Variants in NEMF observed in about 807,000 individuals in gnomAD.
NEMF encodes the protein ribosome quality control complex subunit NEMF.
In NEMF, 89 loss-of-function variants were observed where a neutral mutation model predicts 162.2. That is an observed-to-expected ratio of 0.55 (90% CI 0.46 to 0.65). The LOEUF (loss-of-function observed/expected upper bound fraction) is 0.65. NEMF is among the 30% of genes least tolerant of loss of function. The pLI is 0.00. For missense variants in NEMF, 1,133 were observed against 1,261.9 expected, an observed-to-expected ratio of 0.90 and a Z score of 1.55; for synonymous variants, 421 against 404.5, an observed-to-expected ratio of 1.04 and a Z score of -0.49.
chr14:49,847,361 G>A (rs549543368), intron 3 of NEMF, among the ~76,000 whole-genome samples: 10 of 151,566 alleles, frequency 6.6e-5, no homozygotes, highest in African/African-American at 2.2e-4. Context: ...CCACTACCAC[G>A]CCTGGCTAAT....
chr14:49,829,175 T>G lies in NEMF; in HGVS notation c.1111A>C (p.Asn371His). The change falls in exon 13 of 33, where the codon AAC (asparagine) becomes CAC (histidine). Residue 371 changes from asparagine (N) to histidine (H), a missense_variant. By Grantham distance (68) the Asn-to-His change is moderately conservative. This residue lies in a region of NEMF where 582 missense variants were observed against 631.5 expected (regional missense o/e 0.92). Coordinates refer to ENST00000298310, the MANE Select transcript of NEMF (RefSeq NM_004713.6). ...AIQVVRSALA[N>H]QIDWTEIGLI... ...CCAATTTCTGTCCAATCTATCTGGT[T>G]AGCTAAAGCACTTCGAACTACCTGA... 6.2e-7 allele frequency: 1 copy of G among 1,614,192 alleles called. No homozygotes were observed. Among genetic ancestry groups the G allele is most frequent in the Non-Finnish European group, 8.5e-7 (1 of 1,180,010 alleles).
chr14:49,840,602 C>T, intron 5 of NEMF, 116 bp downstream of exon 5: 1 of 806,232 alleles, frequency 1.2e-6, no homozygotes, highest in South Asian at 1.9e-5. Flanking sequence ...TCTCACAGTT[C>T]TTTCACGTTC....
intron 16 of NEMF, among the ~76,000 whole-genome samples, chr14:49,821,604 G>A (rs1330517317): frequency 1.2e-5 from 1 of 84,840 alleles, no homozygotes; most frequent in Admixed American, 1.4e-4. Context: ...TCAGCCCCCC[G>A]CCCGGCCAGC....
chr14:49,831,913 G>A (rs1159515932), intron 10 of NEMF, 138 bp downstream of exon 10: 4 of 603,020 alleles, frequency 6.6e-6, no homozygotes, highest in Non-Finnish European at 1.2e-5. Flanking sequence ...CTGTATCTGT[G>A]ACGACACTGA....
chr14:49,847,406 G>A (rs1282735995), intron 3 of NEMF, among the ~76,000 whole-genome samples: 3 of 150,988 alleles, frequency 2.0e-5, no homozygotes, highest in Non-Finnish European at 4.4e-5. Context: ...GTTTCTCCAC[G>A]TTGCCCAGGC....
At chr14:49,836,430 C>T (rs550307370) in intron 6 of NEMF, among the ~76,000 whole-genome samples, 1 of 151,934 alleles carries the variant, frequency 6.6e-6, no homozygotes, top group African/African-American at 2.4e-5. Context: ...GGCGGGCAGA[C>T]TGCTTGAGTT....
chr14:49,784,769 T>C, intron 32 of NEMF, 56 bp from the exon 33 acceptor site: 2 of 1,514,020 alleles, frequency 1.3e-6, no homozygotes, highest in Non-Finnish European at 1.8e-6. Context: ...ATCATGTTTC[T>C]TTTATGACAA....
rs947257594 is a variant in NEMF at position 49,793,008 on chromosome 14, G to A, written c.2619+2783C>T. On this transcript the variant is annotated intron_variant, in intron 26 of 32. Coordinates refer to ENST00000298310, the MANE Select transcript of NEMF (RefSeq NM_004713.6). ...AAAAACAAACAAAAAGAATGCAATA[G>A]ACACAGAAAAACCATTCAGTAACAT... Among the ~76,000 whole-genome samples, 9 of 152,086 alleles carry A rather than the reference G, an allele frequency of 5.9e-5. No individual in the cohort carries two copies. The East Asian group carries it at 1.5e-3, about 26-fold the overall frequency.
intron 3 of NEMF, among the ~76,000 whole-genome samples, chr14:49,848,638 C>T (rs1893627707): frequency 6.6e-6 from 1 of 152,022 alleles, no homozygotes; most frequent in Non-Finnish European, 1.5e-5. Flanking sequence ...AGTTCAAGAC[C>T]AGCCTGGCCA....
chr14:49,835,296 G>C (rs1481580721), intron 6 of NEMF, among the ~76,000 whole-genome samples: 2 of 151,564 alleles, frequency 1.3e-5, no homozygotes, highest in Non-Finnish European at 2.9e-5. Flanking sequence ...GTCAGTGCAA[G>C]TTATAGGAAT....
intron 16 of NEMF, among the ~76,000 whole-genome samples, chr14:49,817,830 GA>G (rs756622268): frequency 2.0e-5 from 3 of 152,118 alleles, no homozygotes; most frequent in Non-Finnish European, 2.9e-5. Context: ...CTTTCCCAAA[GA>G]AAACTCCAGG....
chr14:49,842,836 G>C (rs1193726064), intron 4 of NEMF, among the ~76,000 whole-genome samples: 1 of 152,002 alleles, frequency 6.6e-6, no homozygotes, highest in East Asian at 1.9e-4. Flanking sequence ...GTGAATCCCT[G>C]TTTTACTAAG....
chr14:49,833,501 T>C lies in NEMF; in HGVS notation c.662-5A>G, dbSNP rs372232003. The C allele has an allele frequency of 1.0e-5, 16 of 1,554,538 alleles. No individual in the cohort carries two copies. Among genetic ancestry groups the C allele is most frequent in the Admixed American group, 9.0e-5 (5 of 55,264 alleles). ...AAACAAGTACTTTTTCAATATCTAA[T>C]GGTGGGGGAAAAAAAGGAAAAAAGG... On this transcript the variant is annotated splice_region_variant and splice_polypyrimidine_tract_variant and intron_variant, in intron 7 of 32. Transcript: ENST00000298310.
intron 18 of NEMF, among the ~76,000 whole-genome samples, chr14:49,812,678 T>G (rs567766150): frequency 6.6e-6 from 1 of 152,348 alleles, no homozygotes; most frequent in Non-Finnish European, 1.5e-5. Context: ...ATAACTGTGG[T>G]ATTTAATTTC....
chr14:49,810,789 G>C (rs1891439196), intron 18 of NEMF, among the ~76,000 whole-genome samples: 1 of 152,152 alleles, frequency 6.6e-6, no homozygotes, highest in Non-Finnish European at 1.5e-5. Context: ...TCAGGAGCTC[G>C]ACACTAGTCT....
chr14:49,804,179 A>AT (rs1414134424), intron 19 of NEMF, among the ~76,000 whole-genome samples: 1 of 147,948 alleles, frequency 6.8e-6, no homozygotes, highest in Admixed American at 6.7e-5. Context: ...TAATTTTTGT[A>AT]TTTTTTAGTA....
In NEMF at chr14:49,807,462, C is replaced by T. The variant is rs1219516601; in HGVS notation, c.1745-1329G>A. Reference sequence around the variant, plus strand: ...TTTGGAACTGCCAAACCACTTCCCACAGCAGCTGTATCATTGTCCATTCCT... The same window carrying T: ...TTTGGAACTGCCAAACCACTTCCCATAGCAGCTGTATCATTGTCCATTCCT... On this transcript the variant is annotated intron_variant, in intron 18 of 32. Coordinates refer to ENST00000298310, the MANE Select transcript of NEMF (RefSeq NM_004713.6). 3.9e-5 allele frequency among the ~76,000 whole-genome samples: 6 copies of T among 152,324 alleles called. No homozygotes were observed. In the South Asian group the frequency reaches 1.2e-3, roughly 32 times the overall value.
Position 49,834,423 on chromosome 14 carries a change from A to G in NEMF, c.601T>C (p.Cys201Arg). 1.2e-6 allele frequency: 2 copies of G among 1,606,994 alleles called. No individual in the cohort carries two copies. Among genetic ancestry groups the G allele is most frequent in the African/African-American group, 1.3e-5 (1 of 74,892 alleles). The stretch of plus-strand genomic sequence containing the variant: ...CCCGAGAATCCATTTTCTAAAAGAC[A>G]GTGTTCAATGAGAGCTGGTCCATAG... ...LPYGPALIEH[C>R]LLENGFSGNV... Residue 201 changes from cysteine (C) to arginine (R), a missense_variant, in exon 7 of 33, where the codon TGT (cysteine) becomes CGT (arginine). Around this residue, in one of 3 missense-constraint regions of NEMF, gnomAD observed 582 missense variants for 631.5 expected, o/e 0.92. Coordinates refer to ENST00000298310, the MANE Select transcript of NEMF (RefSeq NM_004713.6).
chr14:49,831,668 C>A (rs143196445), intron 10 of NEMF, among the ~76,000 whole-genome samples: 3,327 of 152,226 alleles, frequency 0.022, 140 homozygotes, highest in African/African-American at 0.076. Flanking sequence ...AACTCCTGAC[C>A]TCAACTGATC....
Sources: allele counts gnomAD v4.1 joint callset (sites outside exome capture counted in the v4.1 genomes callset), GRCh38; gene constraint gnomAD v4.1.1; regional missense constraint gnomAD v4.1.1; transcripts MANE v1.5; gene names NCBI Gene and HGNC (gene_info 2026-07-23, HGNC 2026-07-21).